GPC5: variants seen among roughly 807,000 people sequenced by gnomAD.
GPC5 encodes glypican-5.
In GPC5, 47 loss-of-function variants were observed where a neutral mutation model predicts 53.9. That is an observed-to-expected ratio of 0.87 (90% confidence interval 0.69 to 1.11). GPC5 has a LOEUF of 1.11. Among genes scored for constraint, GPC5 ranks in the 50% most tolerant of loss-of-function variants. The pLI is 0.00. For missense variants in GPC5, 748 were observed against 713.1 expected, an observed-to-expected ratio of 1.05 and a Z score of -0.56; for synonymous variants, 286 against 263.3, an observed-to-expected ratio of 1.09 and a Z score of -0.84.
At chr13:91,414,283 C>T (rs187029580) in intron 1 of GPC5, among the ~76,000 whole-genome samples, 31 of 152,286 alleles carry the variant, frequency 2.0e-4, no homozygotes, top group East Asian at 1.9e-3. Flanking sequence ...TTCCCCTTTG[C>T]GCGGCATTTA....
At chr13:92,751,866 A>G (rs962067247) in intron 7 of GPC5, among the ~76,000 whole-genome samples, 1 of 152,214 alleles carries the variant, frequency 6.6e-6, no homozygotes, top group African/African-American at 2.4e-5. Flanking sequence ...CCGTTTTCAC[A>G]ACAGTGGCCA....
intron 7 of GPC5, among the ~76,000 whole-genome samples, chr13:92,314,624 A>G (rs2043166524): frequency 1.3e-5 from 2 of 152,328 alleles, no homozygotes; most frequent in African/African-American, 2.4e-5. Context: ...ATGTGTTTCT[A>G]TAGGAATGTG....
At chr13:92,503,783 T>A (rs1197472331) in intron 7 of GPC5, among the ~76,000 whole-genome samples, 1 of 151,872 alleles carries the variant, frequency 6.6e-6, no homozygotes, top group African/African-American at 2.4e-5. Context: ...ATATATTAAT[T>A]CCTCAAAGCC....
intron 6 of GPC5, among the ~76,000 whole-genome samples, chr13:92,126,882 T>C (rs1222818261): frequency 1.3e-5 from 2 of 152,042 alleles, no homozygotes; most frequent in Non-Finnish European, 2.9e-5. Context: ...ACTGCTTAAA[T>C]GCAGGGTACA....
At chr13:92,606,997 G>C (rs1203694416) in intron 7 of GPC5, among the ~76,000 whole-genome samples, 2 of 151,988 alleles carry the variant, frequency 1.3e-5, no homozygotes, top group African/African-American at 4.8e-5. Flanking sequence ...TAGAATTTCT[G>C]TCAAATCTTA....
At chr13:92,306,691 C>T (rs2043112948) in intron 7 of GPC5, among the ~76,000 whole-genome samples, 1 of 152,206 alleles carries the variant, frequency 6.6e-6, no homozygotes, top group South Asian at 2.1e-4. Context: ...CAACCTATGT[C>T]ATAGTTACCT....
At chr13:92,735,466 T>C (rs2139303680) in intron 7 of GPC5, among the ~76,000 whole-genome samples, 1 of 152,076 alleles carries the variant, frequency 6.6e-6, no homozygotes, top group East Asian at 1.9e-4. Flanking sequence ...GTGACCTTGG[T>C]AAATTACATT....
At chr13:91,960,117 A>G (rs1012562490) in intron 6 of GPC5, among the ~76,000 whole-genome samples, 9 of 151,946 alleles carry the variant, frequency 5.9e-5, no homozygotes, top group African/African-American at 2.2e-4. Context: ...TCCAAATTGG[A>G]AAAGAGGAAG....
intron 5 of GPC5, among the ~76,000 whole-genome samples, chr13:91,773,317 C>T (rs1182842091): frequency 1.3e-5 from 2 of 152,038 alleles, no homozygotes; most frequent in Non-Finnish European, 2.9e-5. Flanking sequence ...TACAAATATA[C>T]ATAATACAAT....
intron 7 of GPC5, among the ~76,000 whole-genome samples, chr13:92,393,715 G>C (rs188151259): frequency 6.6e-6 from 1 of 152,228 alleles, no homozygotes; most frequent in East Asian, 1.9e-4. Context: ...TACTTGATGA[G>C]GGAGAGTGGA....
chr13:91,521,609 T>C (rs1885819238), intron 2 of GPC5, among the ~76,000 whole-genome samples: 1 of 152,118 alleles, frequency 6.6e-6, no homozygotes, highest in Non-Finnish European at 1.5e-5. Flanking sequence ...AAACTCAAAG[T>C]GTTTTATTTT....
chr13:92,461,401 T>C (rs184500811), intron 7 of GPC5, among the ~76,000 whole-genome samples: 2 of 152,272 alleles, frequency 1.3e-5, no homozygotes, highest in East Asian at 3.9e-4. Context: ...ATACTTAACC[T>C]ATGTAGTGTG....
At chr13:92,774,356 G>A (rs1952477230) in intron 7 of GPC5, among the ~76,000 whole-genome samples, 1 of 152,132 alleles carries the variant, frequency 6.6e-6, no homozygotes, top group Non-Finnish European at 1.5e-5. Flanking sequence ...CTGTACATTT[G>A]TCAAGACTTA....
intron 7 of GPC5, among the ~76,000 whole-genome samples, chr13:92,286,498 A>T (rs931305990): frequency 6.6e-6 from 1 of 152,148 alleles, no homozygotes; most frequent in African/African-American, 2.4e-5. Context: ...ATGTCCATCA[A>T]TGATAGACTG....
At chr13:91,639,152 A>T (rs1213420385) in intron 2 of GPC5, among the ~76,000 whole-genome samples, 2 of 152,192 alleles carry the variant, frequency 1.3e-5, no homozygotes, top group Non-Finnish European at 2.9e-5. Context: ...TCCCCAGCAC[A>T]GGTGTGTGGA....
intron 6 of GPC5, among the ~76,000 whole-genome samples, chr13:92,062,151 AT>A (rs1294035523): frequency 2.0e-5 from 3 of 151,916 alleles, no homozygotes; most frequent in East Asian, 3.9e-4. Context: ...ATTTTGCTTG[AT>A]TTTTTTGGGG....
chr13:92,205,667 C>A (rs991375307), intron 7 of GPC5, among the ~76,000 whole-genome samples: 1 of 152,160 alleles, frequency 6.6e-6, no homozygotes, highest in African/African-American at 2.4e-5. Context: ...TTTAATAAAG[C>A]ATTTATATGA....
chr13:91,895,002 G>A (rs2039425776), intron 5 of GPC5, among the ~76,000 whole-genome samples: 1 of 149,532 alleles, frequency 6.7e-6, no homozygotes, highest in Admixed American at 6.7e-5. Context: ...TAGGAGGGAT[G>A]TTAAGATGTT....
At position 92,828,115 on chromosome 13, in the gene GPC5, C is replaced by T. The variant is rs1361272511; in HGVS notation, c.1562-38167C>T. Among the ~76,000 whole-genome samples the T allele has an allele frequency of 4.6e-5, 7 of 152,206 alleles. No homozygotes were observed. The East Asian group carries it at 1.2e-3, about 25-fold the overall frequency. ...CCAGTCATCCAGACCAAAAGAAGTG[C>T]AGCACCACCAAACCAGACTGTTTCA... On this transcript the variant is annotated intron_variant, in intron 7 of 7. Coordinates refer to ENST00000377067, the MANE Select transcript of GPC5 (RefSeq NM_004466.6).
Sources: gnomAD v4.1 joint callset for allele counts (sites outside exome capture counted in the v4.1 genomes callset) on GRCh38, gnomAD v4.1.1 for gene constraint, MANE v1.5 for transcripts, NCBI Gene and HGNC (gene_info 2026-07-23, HGNC 2026-07-21) for gene names.